HNMT: variants seen among roughly 807,000 people sequenced by gnomAD.
HNMT encodes the protein histamine N-methyltransferase.
HNMT carries 30 observed loss-of-function variants against 32.1 expected under a neutral mutation model. The ratio of observed to expected loss-of-function variants is 0.93; its 90% confidence interval spans 0.70 to 1.27. The LOEUF (loss-of-function observed/expected upper bound fraction) is 1.27, where lower values mean the gene tolerates loss of function less well. Among genes scored for constraint, HNMT ranks in the 50% most tolerant of loss-of-function variants. The probability of loss-of-function intolerance (pLI) is 0.00; values close to 1 mark genes in which losing one functional copy is unlikely to be tolerated. For synonymous variants in HNMT, 125 were observed against 119.0 expected, an observed-to-expected ratio of 1.05 and a Z score of -0.33; for missense variants, 327 against 346.0, an observed-to-expected ratio of 0.95 and a Z score of 0.43.
At chr2:137,981,241 G>C in intron 2 of HNMT, 1 of 1,613,432 alleles carries the variant, frequency 6.2e-7, no homozygotes, top group Non-Finnish European at 8.5e-7. Flanking sequence ...GAAGCTCCAG[G>C]GTTCTCAAGC....
In HNMT at chr2:137,970,194, T is replaced by G; in HGVS notation, c.167T>G (p.Ile56Ser). 1.9e-6 allele frequency: 3 copies of G among 1,579,752 alleles called. No homozygotes were observed. Among genetic ancestry groups the G allele is most frequent in the Non-Finnish European group, 2.6e-6 (3 of 1,154,718 alleles). The change falls in exon 2 of 6, where the codon ATT becomes AGT. Residue 56 changes from isoleucine to serine, a missense_variant. Coordinates refer to ENST00000280097, the MANE Select transcript of HNMT (RefSeq NM_006895.3). ...RIGDTKSEIKILSIGGGAGEI... is the reference protein window; with the variant it reads ...RIGDTKSEIKSLSIGGGAGEI... ...GGAGACACAAAATCAGAAATTAAGA[T>G]TCTAAGCATAGGCGGAGGTGCAGGT...
At chr2:137,998,680 C>T (rs1398313720) in intron 2 of HNMT, among the ~76,000 whole-genome samples, 3 of 152,166 alleles carry the variant, frequency 2.0e-5, no homozygotes, top group African/African-American at 7.2e-5. Flanking sequence ...GGGAGAGGGA[C>T]TGCCTGGCTC....
At chr2:138,003,015 A>G (rs1034085563) in intron 4 of HNMT, among the ~76,000 whole-genome samples, 4 of 146,460 alleles carry the variant, frequency 2.7e-5, no homozygotes, top group South Asian at 2.2e-4. Flanking sequence ...ATTCTCACTC[A>G]TAGGTGGGAA....
chr2:138,011,736 G>A (rs762265882), intron 5 of HNMT, among the ~76,000 whole-genome samples: 3 of 152,100 alleles, frequency 2.0e-5, no homozygotes, highest in Non-Finnish European at 2.9e-5. Context: ...GAAAGTATAA[G>A]TTGTCTCTTA....
At chr2:138,010,470 C>T (rs1291086111) in intron 5 of HNMT, among the ~76,000 whole-genome samples, 2 of 146,692 alleles carry the variant, frequency 1.4e-5, no homozygotes, top group Non-Finnish European at 3.0e-5. Context: ...CACACACACA[C>T]ACACACACAC....
At position 137,967,280 on chromosome 2, in the gene HNMT, C is replaced by G. The variant is rs1196528258; in HGVS notation, c.137+2652C>G. The stretch of plus-strand genomic sequence containing the variant: ...TGAAAAAGTTAGCTGAACAAGGCGG[C>G]ATGCACATGCTACTCCAGACGCTGA... On this transcript the variant is annotated intron_variant, in intron 1 of 5. Coordinates refer to ENST00000280097, the MANE Select transcript of HNMT (RefSeq NM_006895.3). 36 of 593,544 alleles carry G rather than the reference C, an allele frequency of 6.1e-5. No individual in the cohort carries two copies. In the Admixed American group the frequency reaches 6.4e-4, roughly 11 times the overall value. 36.8% of individuals were successfully genotyped at this position (593,544 alleles called of 1,614,324 possible). A position where few individuals can be genotyped will look rare whatever the true frequency, so the allele number is the denominator to read the frequency against.
chr2:137,997,743 A>G (rs1681039447), intron 2 of HNMT, among the ~76,000 whole-genome samples: 1 of 152,196 alleles, frequency 6.6e-6, no homozygotes, highest in Non-Finnish European at 1.5e-5. Context: ...CTGCAGCACT[A>G]TTTACAATAG....
chr2:137,997,657 G>C (rs1312998840), intron 2 of HNMT, among the ~76,000 whole-genome samples: 6 of 152,164 alleles, frequency 3.9e-5, no homozygotes, highest in Non-Finnish European at 7.4e-5. Flanking sequence ...ATTTGACCCA[G>C]CAATGGGATT....
At chr2:137,967,308 T>C (rs1235214795) in intron 1 of HNMT, 1 of 544,174 alleles carries the variant, frequency 1.8e-6, no homozygotes, top group Non-Finnish European at 3.3e-6. Context: ...GACGCTGAAG[T>C]GGGAAGATCA....
intron 2 of HNMT, among the ~76,000 whole-genome samples, chr2:137,986,378 G>T (rs1680652491): frequency 6.6e-6 from 1 of 152,146 alleles, no homozygotes; most frequent in Non-Finnish European, 1.5e-5. Context: ...AGCCCATGGT[G>T]TAAGTTCTAG....
chr2:137,970,876 C>T (rs1308136500), intron 2 of HNMT, among the ~76,000 whole-genome samples: 1 of 143,714 alleles, frequency 7.0e-6, no homozygotes, highest in Non-Finnish European at 1.5e-5. Flanking sequence ...GCCGAGATCG[C>T]GCCACTGCAC....
At chr2:137,964,688 T>C in intron 1 of HNMT, 60 bp downstream of exon 1, 5 of 1,559,582 alleles carry the variant, frequency 3.2e-6, no homozygotes, top group South Asian at 1.1e-5. Flanking sequence ...GCGTCAGTGA[T>C]AGATGGGTCT....
At chr2:137,991,709 G>C (rs939055042) in intron 2 of HNMT, 3 of 152,086 alleles carry the variant, frequency 2.0e-5, no homozygotes, top group African/African-American at 7.2e-5. Flanking sequence ...TATGTAAATA[G>C]ATAGAAGTAG....
At chr2:138,008,094 A>G (rs1353248026) in intron 5 of HNMT, among the ~76,000 whole-genome samples, 1 of 151,752 alleles carries the variant, frequency 6.6e-6, no homozygotes, top group Admixed American at 6.6e-5. Context: ...CCCAGGTATT[A>G]AACCCACTAC....
rs575164560 is a variant in HNMT, at chr2:137,974,079, G to A, written c.190+3862G>A. Among the ~76,000 whole-genome samples, 4 of 151,996 alleles carry A rather than the reference G, an allele frequency of 2.6e-5. No homozygotes were observed. In the South Asian group the frequency reaches 8.6e-4, roughly 33 times the overall value. On this transcript the variant is annotated intron_variant, in intron 2 of 5. Transcript: ENST00000280097. ...CATAGATTACACATTCTAATGTTAG[G>A]AAAATGTATGAAATAAATATTATAT...
At chr2:137,993,732 G>A (rs892410368) in intron 2 of HNMT, among the ~76,000 whole-genome samples, 1 of 151,848 alleles carries the variant, frequency 6.6e-6, no homozygotes, top group African/African-American at 2.4e-5. Context: ...TCATCAGATT[G>A]AAGATTGAAA....
chr2:137,994,994 A>G (rs1181220847), intron 2 of HNMT, among the ~76,000 whole-genome samples: 1 of 152,176 alleles, frequency 6.6e-6, no homozygotes, highest in East Asian at 1.9e-4. Context: ...ACATACCAGA[A>G]TCTCTGGGAC....
intron 4 of HNMT, among the ~76,000 whole-genome samples, chr2:138,003,749 C>T (rs1205443921): frequency 1.3e-5 from 2 of 151,916 alleles, no homozygotes; most frequent in African/African-American, 4.8e-5. Context: ...CATTTTTTAC[C>T]CTCTAACTTT....
intron 2 of HNMT, among the ~76,000 whole-genome samples, chr2:137,980,965 T>G (rs1054824701): frequency 6.6e-6 from 1 of 152,122 alleles, no homozygotes; most frequent in Non-Finnish European, 1.5e-5. Context: ...AACCCACACC[T>G]GAAATTATTT....
Sources: allele counts gnomAD v4.1 joint callset (sites outside exome capture counted in the v4.1 genomes callset), GRCh38; gene constraint gnomAD v4.1.1; transcripts MANE v1.5; gene names NCBI Gene and HGNC (gene_info 2026-07-23, HGNC 2026-07-21).